Variants in TNKS observed in about 807,000 individuals in gnomAD.
The protein encoded by TNKS is poly [ADP-ribose] polymerase tankyrase-1.
Under a neutral mutation model 135.8 loss-of-function variants are expected in TNKS, and 72 were observed. The ratio of observed to expected loss-of-function variants is 0.53; its 90% confidence interval spans 0.44 to 0.64. The LOEUF (loss-of-function observed/expected upper bound fraction) is 0.64, where lower values mean the gene tolerates loss of function less well. Ranked by LOEUF, TNKS falls within the 30% of genes least tolerant of loss-of-function variation. The pLI, the probability that TNKS is intolerant of heterozygous loss-of-function variation, is 0.00. For missense variants in TNKS, 1,769 were observed against 1,674.0 expected (o/e 1.06, Z -0.99); for synonymous variants, 849 against 649.3 (o/e 1.31, Z -4.68).
At chr8:9,616,626 G>A (rs552213142) in intron 3 of TNKS, among the ~76,000 whole-genome samples, 1 of 152,284 alleles carries the variant, frequency 6.6e-6, no homozygotes, top group South Asian at 2.1e-4. Context: ...TTTATGTACA[G>A]AAAGCTTTGA....
Position 9,730,905 on chromosome 8 carries a change from C to T in TNKS, c.2017C>T (p.Gln673Ter). The T allele has an allele frequency of 6.2e-7, 1 of 1,613,094 alleles. No homozygotes were observed. The highest frequency in any genetic ancestry group is 8.5e-7 in the Non-Finnish European group (1 of 1,179,612). Residue 673 changes from glutamine (Q) to a stop codon, truncating the protein, a stop_gained, in exon 14 of 27, where the codon CAA (glutamine) becomes TAA (stop). Coordinates refer to ENST00000310430, the MANE Select transcript of TNKS (RefSeq NM_003747.3). LOFTEE classifies it high-confidence loss of function. Reference protein sequence around the residue: ...LETVKQLCSSQNVNCRDLEGR... With the variant: ...LETVKQLCSS The stretch of plus-strand genomic sequence containing the variant: ...ACCACGAAAGCAACTTTGCAGCTCT[C>T]AAAATGTGAATTGTAGAGACTTAGA...
chr8:9,664,649 A>T (rs905525473), intron 3 of TNKS, among the ~76,000 whole-genome samples: 1 of 152,272 alleles, frequency 6.6e-6, no homozygotes, highest in East Asian at 1.9e-4. Context: ...CACAGTACAT[A>T]TACAGGTAAT....
intron 2 of TNKS, among the ~76,000 whole-genome samples, chr8:9,583,103 C>G (rs1169543119): frequency 6.8e-6 from 1 of 146,256 alleles, no homozygotes; most frequent in Non-Finnish European, 1.5e-5. Flanking sequence ...GGAGGCGGAG[C>G]TTGATGAGCT....
chr8:9,565,864 A>G (rs1455086579), intron 1 of TNKS, among the ~76,000 whole-genome samples: 11 of 152,182 alleles, frequency 7.2e-5, no homozygotes, highest in Non-Finnish European at 1.5e-5. Flanking sequence ...CTCAAAAAAA[A>G]TAAAAATAAA....
intron 20 of TNKS, among the ~76,000 whole-genome samples, chr8:9,752,934 T>C (rs74567367): frequency 1.0e-3 from 156 of 149,906 alleles, no homozygotes; most frequent in African/African-American, 3.7e-3. Context: ...CACTGCATTC[T>C]AGCTTTGGCG....
rs562690757 is a variant in TNKS at position 9,673,760 on chromosome 8, G to C, written c.995-6191G>C. 2.0e-5 allele frequency among the ~76,000 whole-genome samples: 3 copies of C among 152,082 alleles called. No homozygotes were observed. In the South Asian group the frequency reaches 6.2e-4, roughly 32 times the overall value. On this transcript the variant is annotated intron_variant, in intron 3 of 26. Transcript: ENST00000310430. ...ACCCGGCCTGGAATTTTTTTTCACA[G>C]CTGCTATGCAGGGGTCGGGGGGTTC...
chr8:9,702,278 G>A (rs1431108159), intron 5 of TNKS, among the ~76,000 whole-genome samples: 1 of 152,080 alleles, frequency 6.6e-6, no homozygotes, highest in Non-Finnish European at 1.5e-5. Flanking sequence ...AGCACTGCAA[G>A]CTCCAATTGT....
intron 1 of TNKS, among the ~76,000 whole-genome samples, chr8:9,564,550 A>T (rs1036295607): frequency 2.2e-4 from 34 of 152,238 alleles, no homozygotes; most frequent in African/African-American, 8.2e-4. Context: ...AATATTTTTA[A>T]CAGCCTCCTT....
At chr8:9,679,910 T>G in intron 3 of TNKS, 41 bp from the exon 4 acceptor site, 2 of 1,558,344 alleles carry the variant, frequency 1.3e-6, no homozygotes, top group Non-Finnish European at 1.8e-6. Flanking sequence ...TAATCTGTCT[T>G]CTGCCAAATG....
chr8:9,601,999 C>T (rs1799035161), intron 2 of TNKS, among the ~76,000 whole-genome samples: 1 of 151,976 alleles, frequency 6.6e-6, no homozygotes, highest in Non-Finnish European at 1.5e-5. Flanking sequence ...AAAGAGTAGA[C>T]GTTCTCAAGC....
intron 2 of TNKS, among the ~76,000 whole-genome samples, chr8:9,583,255 C>T (rs1327091933): frequency 6.6e-6 from 1 of 150,656 alleles, no homozygotes; most frequent in African/African-American, 2.4e-5. Flanking sequence ...GAAGAAAATT[C>T]AAACTGAGAT....
chr8:9,578,060 G>C (rs745615744), intron 1 of TNKS, among the ~76,000 whole-genome samples: 2 of 152,144 alleles, frequency 1.3e-5, no homozygotes, highest in East Asian at 1.9e-4. Context: ...TTGACTCCAC[G>C]GCTCACATCC....
intron 2 of TNKS, among the ~76,000 whole-genome samples, chr8:9,597,641 G>A (rs1798841160): frequency 6.6e-6 from 1 of 151,924 alleles, no homozygotes; most frequent in Non-Finnish European, 1.5e-5. Flanking sequence ...GGGGTATCGT[G>A]GTTTGCTGTA....
intron 18 of TNKS, among the ~76,000 whole-genome samples, chr8:9,750,442 C>T (rs1031827697): frequency 2.0e-5 from 3 of 152,326 alleles, no homozygotes; most frequent in Non-Finnish European, 2.9e-5. Context: ...AGAATTTGTT[C>T]TGGAAATTTC....
chr8:9,715,366 G>A (rs199859287), intron 11 of TNKS, among the ~76,000 whole-genome samples: 3 of 82,814 alleles, frequency 3.6e-5, no homozygotes, highest in Non-Finnish European at 5.7e-5. Context: ...CAGCAGGGGG[G>A]GCGGGTATGA....
intron 20 of TNKS, among the ~76,000 whole-genome samples, chr8:9,761,246 T>C (rs1415291932): frequency 6.6e-6 from 1 of 152,216 alleles, no homozygotes; most frequent in South Asian, 2.1e-4. Flanking sequence ...AAAGGAAATA[T>C]AGTGATGATC....
intron 2 of TNKS, among the ~76,000 whole-genome samples, chr8:9,606,550 A>G (rs1460243339): frequency 1.3e-5 from 2 of 152,092 alleles, no homozygotes; most frequent in African/African-American, 4.8e-5. Flanking sequence ...TTATCAGAGT[A>G]TGTCTATGTT....
At chr8:9,564,508 G>T (rs1797451666) in intron 1 of TNKS, among the ~76,000 whole-genome samples, 1 of 152,224 alleles carries the variant, frequency 6.6e-6, no homozygotes. Flanking sequence ...GTGATGACAT[G>T]AGGGAGAAAA....
intron 3 of TNKS, among the ~76,000 whole-genome samples, chr8:9,659,653 C>A (rs1801597879): frequency 6.6e-6 from 1 of 152,030 alleles, no homozygotes; most frequent in Non-Finnish European, 1.5e-5. Flanking sequence ...AAAATTGACA[C>A]CCTAACATCA....
Sources: gnomAD v4.1 joint callset for allele counts (sites outside exome capture counted in the v4.1 genomes callset) on GRCh38, gnomAD v4.1.1 for gene constraint, MANE v1.5 for transcripts, NCBI Gene and HGNC (gene_info 2026-07-23, HGNC 2026-07-21) for gene names.